ELOVL6: variants seen among roughly 807,000 people sequenced by gnomAD.
The protein encoded by ELOVL6 is ELOVL fatty acid elongase 6, also known as very long chain fatty acid elongase 6.
ELOVL6 carries 8 observed loss-of-function variants against 31.7 expected under a neutral mutation model. The observed-to-expected ratio is 0.25, with a 90% CI of 0.15 to 0.45. ELOVL6 has a LOEUF of 0.45. Among genes scored for constraint, ELOVL6 ranks in the 20% least tolerant of loss-of-function variants. The pLI, the probability that ELOVL6 is intolerant of heterozygous loss-of-function variation, is 1.00. For missense variants in ELOVL6, 126 were observed against 326.4 expected (o/e 0.39, Z 4.73); for synonymous variants, 101 against 117.7 (o/e 0.86, Z 0.92).
chr4:110,184,671 C>T (rs183524595), intron 1 of ELOVL6, among the ~76,000 whole-genome samples: 38 of 151,978 alleles, frequency 2.5e-4, no homozygotes, highest in East Asian at 1.4e-3. Context: ...CACAATGAAC[C>T]GAGAAAAAGG....
intron 2 of ELOVL6, among the ~76,000 whole-genome samples, chr4:110,097,076 G>A (rs1756599783): frequency 6.6e-6 from 1 of 152,038 alleles, no homozygotes; most frequent in African/African-American, 2.4e-5. Flanking sequence ...GGGAGGCCGA[G>A]GTGGATGGAT....
intron 1 of ELOVL6, among the ~76,000 whole-genome samples, chr4:110,135,534 G>A (rs1757787342): frequency 6.6e-6 from 1 of 152,152 alleles, no homozygotes; most frequent in African/African-American, 2.4e-5. Context: ...CACTTACAGG[G>A]TAGCAGGGTA....
chr4:110,053,642 T>C (rs753665737), intron 3 of ELOVL6, among the ~76,000 whole-genome samples: 29 of 151,988 alleles, frequency 1.9e-4, no homozygotes, highest in Non-Finnish European at 3.7e-4. Context: ...CCATCTCTAC[T>C]AAAAATACAA....
At chr4:110,116,215 A>G (rs1757165566) in intron 1 of ELOVL6, among the ~76,000 whole-genome samples, 1 of 152,242 alleles carries the variant, frequency 6.6e-6, no homozygotes, top group Admixed American at 6.5e-5. Flanking sequence ...ACATATTCAC[A>G]GAAGATGGGC....
intron 2 of ELOVL6, among the ~76,000 whole-genome samples, chr4:110,086,621 C>T (rs77627719): frequency 0.027 from 4,156 of 152,160 alleles, 81 homozygotes; most frequent in Non-Finnish European, 0.041. Context: ...ATTTTAATGA[C>T]CACTATTGGT....
chr4:110,082,751 A>G (rs2126232462), intron 2 of ELOVL6, among the ~76,000 whole-genome samples: 1 of 152,326 alleles, frequency 6.6e-6, no homozygotes, highest in Middle Eastern at 3.4e-3. Context: ...TAATAAAAAA[A>G]TAAATAAAAA....
intron 1 of ELOVL6, among the ~76,000 whole-genome samples, chr4:110,132,927 T>C (rs1277813282): frequency 1.3e-5 from 2 of 152,178 alleles, no homozygotes; most frequent in African/African-American, 4.8e-5. Flanking sequence ...GAAAGAAATC[T>C]ACAGGGTGTG....
chr4:110,064,819 A>G (rs1475047318), intron 2 of ELOVL6, among the ~76,000 whole-genome samples: 3 of 152,154 alleles, frequency 2.0e-5, no homozygotes, highest in South Asian at 2.1e-4. Flanking sequence ...TCTACTTTCA[A>G]TAGGTGCCTG....
chr4:110,140,533 A>G (rs989433274), intron 1 of ELOVL6, among the ~76,000 whole-genome samples: 1 of 152,084 alleles, frequency 6.6e-6, no homozygotes, highest in Non-Finnish European at 1.5e-5. Flanking sequence ...AGCTGGGACT[A>G]CAAGCGTCAT....
At chr4:110,132,019 T>G (rs1216533843) in intron 1 of ELOVL6, among the ~76,000 whole-genome samples, 1 of 151,768 alleles carries the variant, frequency 6.6e-6, no homozygotes, top group Admixed American at 6.6e-5. Flanking sequence ...AACCACTCAG[T>G]GGGGTGGGGT....
chr4:110,162,811 C>T (rs72900552), intron 1 of ELOVL6, among the ~76,000 whole-genome samples: 2,430 of 152,314 alleles, frequency 0.016, 59 homozygotes, highest in African/African-American at 0.055. Context: ...TGAGCTTCTA[C>T]TACATACTAG....
At chr4:110,090,766 G>A (rs1214836793) in intron 2 of ELOVL6, among the ~76,000 whole-genome samples, 10 of 151,866 alleles carry the variant, frequency 6.6e-5, no homozygotes, top group South Asian at 2.1e-4. Context: ...CACCATGCCC[G>A]GCTAATTTTT....
At chr4:110,138,373 T>C (rs564307750) in intron 1 of ELOVL6, among the ~76,000 whole-genome samples, 1 of 152,308 alleles carries the variant, frequency 6.6e-6, no homozygotes, top group Admixed American at 6.5e-5. Context: ...GGATACACAG[T>C]ACTGAACAAA....
chr4:110,181,641 G>T (rs1560860808), intron 1 of ELOVL6, among the ~76,000 whole-genome samples: 1 of 152,004 alleles, frequency 6.6e-6, no homozygotes. Context: ...AGGAGGAGAG[G>T]AGAGAAAATA....
chr4:110,090,340 A>T (rs1756382073), intron 2 of ELOVL6, among the ~76,000 whole-genome samples: 7 of 152,180 alleles, frequency 4.6e-5, no homozygotes. Flanking sequence ...TCTACATGTA[A>T]ACCTTCTATA....
chr4:110,158,270 G>T (rs1758511684), intron 1 of ELOVL6, among the ~76,000 whole-genome samples: 1 of 152,014 alleles, frequency 6.6e-6, no homozygotes, highest in African/African-American at 2.4e-5. Flanking sequence ...CTACAGTAAA[G>T]AACAACCTAG....
chr4:110,076,305 C>A (rs1755629447), intron 2 of ELOVL6, among the ~76,000 whole-genome samples: 1 of 152,186 alleles, frequency 6.6e-6, no homozygotes, highest in Non-Finnish European at 1.5e-5. Context: ...GACGGTGCAG[C>A]TGAAACCAGA....
At chr4:110,135,555 GA>G (rs1227366225) in intron 1 of ELOVL6, among the ~76,000 whole-genome samples, 1 of 152,098 alleles carries the variant, frequency 6.6e-6, no homozygotes, top group African/African-American at 2.4e-5. Flanking sequence ...GTAGCCTAGG[GA>G]AAAAAGTCAG....
chr4:110,066,500 G>A (rs12505971), intron 2 of ELOVL6, among the ~76,000 whole-genome samples: 6,446 of 151,712 alleles, frequency 0.042, 328 homozygotes, highest in East Asian at 0.16. Flanking sequence ...TTAGCCGGGC[G>A]TGGTGACAGG....
Sources: allele counts gnomAD v4.1 joint callset (sites outside exome capture counted in the v4.1 genomes callset), GRCh38; gene constraint gnomAD v4.1.1; transcripts MANE v1.5; gene names NCBI Gene and HGNC (gene_info 2026-07-23, HGNC 2026-07-21).